Variants in EGFR observed in about 807,000 individuals in gnomAD.
EGFR encodes avian erythroblastic leukemia viral (v-erb-b) oncogene homolog.
A neutral mutation model predicts 143.0 loss-of-function variants in EGFR; 58 were observed. The observed-to-expected ratio is 0.41, with a 90% confidence interval of 0.33 to 0.50. The LOEUF (loss-of-function observed/expected upper bound fraction) is 0.50. EGFR is among the 20% of genes least tolerant of loss of function. The pLI is 0.39. For synonymous variants in EGFR, 613 were observed against 594.4 expected (o/e 1.03, Z -0.45); for missense variants, 1,307 against 1,579.0 (o/e 0.83, Z 2.92).
intron 19 of EGFR, among the ~76,000 whole-genome samples, chr7:55,176,774 A>C (rs1786607432): frequency 6.7e-6 from 1 of 148,760 alleles, no homozygotes; most frequent in Non-Finnish European, 1.5e-5. Context: ...ATAGATATCT[A>C]TATATACTCT....
chr7:55,057,655 G>C (rs1788909204), intron 1 of EGFR, among the ~76,000 whole-genome samples: 1 of 152,050 alleles, frequency 6.6e-6, no homozygotes, highest in Non-Finnish European at 1.5e-5. Context: ...CCTTGTTTTG[G>C]TCACATAATT....
chr7:55,181,793 A>C (rs1786891031), intron 20 of EGFR: 1 of 426,904 alleles, frequency 2.3e-6, no homozygotes, highest in Non-Finnish European at 4.4e-6. Context: ...GGTGATTTGT[A>C]GTGGAGAAGG....
Position 55,209,928 on chromosome 7 carries a change from T to TTTC in EGFR, c.*4313_*4315dup, listed in dbSNP as rs1245685972. On this transcript the variant is annotated 3_prime_UTR_variant, in exon 28 of 28. Transcript: ENST00000275493. ...TTAAGTTGAGGCAAGAGGAAAGCCC[T>TTTC]TTCTCTCTCTTATAAAAAGGCACAA... is the stretch of plus-strand genomic sequence containing the variant. The TTTC allele has an allele frequency of 6.6e-6, 1 of 152,228 alleles. No individual in the cohort carries two copies. Among genetic ancestry groups the TTTC allele is most frequent in the Non-Finnish European group, 1.5e-5 (1 of 68,036 alleles). The allele number at this position is 152,228 out of a possible 1,614,324, so 9.4% of individuals were successfully genotyped here.
intron 1 of EGFR, among the ~76,000 whole-genome samples, chr7:55,050,776 A>G (rs192112854): frequency 6.6e-6 from 1 of 152,188 alleles, no homozygotes; most frequent in African/African-American, 2.4e-5. Context: ...TGAGCCTTCC[A>G]TCATCTCTAC....
chr7:55,198,725 G>A lies in EGFR; in HGVS notation c.2710G>A (p.Val904Ile), dbSNP rs538497054. ...QSDVWSYGVT[V>I]WELMTFGSKP... ...TTGCTTCATCCTCTCAGGGGTGACT[G>A]TTTGGGAGTTGATGACCTTTGGATC... Residue 904 changes from valine (V) to isoleucine (I), a missense_variant, in exon 23 of 28, where the codon GTT (valine) becomes ATT (isoleucine). By Grantham distance (29) the Val-to-Ile change is conservative. This residue lies in a region of EGFR where 348 missense variants were observed against 451.5 expected (regional missense o/e 0.77). Coordinates refer to ENST00000275493, the MANE Select transcript of EGFR (RefSeq NM_005228.5). 309 of 1,614,212 alleles carry A rather than the reference G, an allele frequency of 1.9e-4. 2 individuals carry two copies. In the South Asian group the frequency reaches 2.6e-3, roughly 13 times the overall value.
intron 1 of EGFR, among the ~76,000 whole-genome samples, chr7:55,114,973 C>T (rs1457558933): frequency 6.6e-6 from 1 of 151,482 alleles, no homozygotes; most frequent in Non-Finnish European, 1.5e-5. Context: ...GCTCCGCCTC[C>T]CAGGTTCACA....
intron 1 of EGFR, among the ~76,000 whole-genome samples, chr7:55,091,486 G>T (rs934103169): frequency 2.0e-5 from 3 of 152,180 alleles, no homozygotes; most frequent in African/African-American, 7.2e-5. Context: ...AGTTGGGTTG[G>T]GGGTGGGGCC....
intron 1 of EGFR, among the ~76,000 whole-genome samples, chr7:55,104,666 G>C (rs927957963): frequency 2.6e-5 from 4 of 152,180 alleles, no homozygotes; most frequent in Non-Finnish European, 5.9e-5. Context: ...GCTCTGCCCT[G>C]CCTGGCTTGA....
At chr7:55,112,561 C>T (rs1584069337) in intron 1 of EGFR, among the ~76,000 whole-genome samples, 1 of 152,324 alleles carries the variant, frequency 6.6e-6, no homozygotes, top group African/African-American at 2.4e-5. Flanking sequence ...GGCCCGAGGG[C>T]CATGGCTGCC....
chr7:55,161,538 A>C lies in EGFR; in HGVS notation c.1538A>C (p.Glu513Ala), dbSNP rs1339627647. Residue 513 changes from glutamate (E) to alanine (A), a missense_variant, in exon 13 of 28, where the codon GAG becomes GCG. Physicochemically the swap from Glu to Ala is moderately radical, Grantham distance 107 (BLOSUM62 -1). This residue lies in a region of EGFR where 250 missense variants were observed against 295.1 expected (regional missense o/e 0.85). Coordinates refer to ENST00000275493, the MANE Select transcript of EGFR (RefSeq NM_005228.5). Reference protein sequence around the residue: ...GQVCHALCSPEGCWGPEPRDC... With the variant: ...GQVCHALCSPAGCWGPEPRDC... ...GTCTGCCATGCCTTGTGCTCCCCCG[A>C]GGGCTGCTGGGGCCCGGAGCCCAGG... 6.2e-7 allele frequency: 1 copy of C among 1,614,096 alleles called. No homozygotes were observed. Among genetic ancestry groups the C allele is most frequent in the Admixed American group, 1.7e-5 (1 of 60,004 alleles).
chr7:55,036,391 G>A (rs1787587858), intron 1 of EGFR, among the ~76,000 whole-genome samples: 1 of 151,674 alleles, frequency 6.6e-6, no homozygotes, highest in Admixed American at 6.6e-5. Context: ...AGGGTCTTTG[G>A]AAAGCTGGTG....
Position 55,208,950 on chromosome 7 carries a change from C to T in EGFR, c.*3333C>T, listed in dbSNP as rs1162945307. 1.3e-5 allele frequency: 2 copies of T among 152,154 alleles called. No homozygotes were observed. Among genetic ancestry groups the T allele is most frequent in the African/African-American group, 4.8e-5 (2 of 41,434 alleles). 9.4% of individuals were successfully genotyped at this position (152,154 alleles called of 1,614,324 possible). ...GCAACATTCATCAAAGTTTCTAGAA[C>T]CTCTGGCCTAAAGGAAGGGCCTGGT... On this transcript the variant is annotated 3_prime_UTR_variant, in exon 28 of 28. Coordinates refer to ENST00000275493, the MANE Select transcript of EGFR (RefSeq NM_005228.5).
At chr7:55,118,044 A>T (rs1792975250) in intron 1 of EGFR, among the ~76,000 whole-genome samples, 1 of 152,238 alleles carries the variant, frequency 6.6e-6, no homozygotes, top group South Asian at 2.1e-4. Context: ...CGTTACAATT[A>T]CACTTTGACA....
chr7:55,055,056 G>A (rs754594095), intron 1 of EGFR, among the ~76,000 whole-genome samples: 47 of 152,290 alleles, frequency 3.1e-4, no homozygotes, highest in Non-Finnish European at 4.7e-4. Context: ...TCATTTCCCC[G>A]ATGGGGGGTT....
intron 13 of EGFR, 46 bp downstream of exon 13, chr7:55,161,677 G>C (rs377469577): frequency 3.7e-5 from 59 of 1,613,880 alleles, no homozygotes; most frequent in South Asian, 6.6e-5. Flanking sequence ...CAAAAATAAG[G>C]CTCCAGGTTG....
chr7:55,087,102 C>A (rs1790809648), intron 1 of EGFR, among the ~76,000 whole-genome samples: 1 of 151,844 alleles, frequency 6.6e-6, no homozygotes, highest in African/African-American at 2.4e-5. Context: ...AATATTTTCC[C>A]CCCGCGCTGT....
chr7:55,189,742 G>A (rs750192584), intron 20 of EGFR, among the ~76,000 whole-genome samples: 4 of 152,132 alleles, frequency 2.6e-5, no homozygotes, highest in African/African-American at 2.4e-5. Flanking sequence ...TGTGAAGAAC[G>A]AACAAAAGGT....
intron 19 of EGFR, chr7:55,180,718 T>C (rs1786821277): frequency 6.0e-6 from 1 of 166,208 alleles, no homozygotes; most frequent in Admixed American, 5.5e-5. Flanking sequence ...TGCCCACCCA[T>C]TTCCCAGAGC....
intron 1 of EGFR, among the ~76,000 whole-genome samples, chr7:55,023,482 T>C (rs1786691875): frequency 6.6e-6 from 1 of 151,896 alleles, no homozygotes; most frequent in African/African-American, 2.4e-5. Context: ...ACCCAGTCTC[T>C]ACTAAAAATA....
Sources: gnomAD v4.1 joint callset for allele counts (sites outside exome capture counted in the v4.1 genomes callset) on GRCh38, gnomAD v4.1.1 for gene constraint, gnomAD v4.1.1 regional missense constraint, MANE v1.5 for transcripts, NCBI Gene and HGNC (gene_info 2026-07-23, HGNC 2026-07-21) for gene names.